TBC1D31: variants seen among roughly 807,000 people sequenced by gnomAD.
TBC1D31 encodes TBC1 domain family member 31.
Under a neutral mutation model 132.9 loss-of-function variants are expected in TBC1D31, and 99 were observed. The ratio of observed to expected loss-of-function variants is 0.74; its 90% CI spans 0.63 to 0.88. The LOEUF is 0.88. Among genes scored for constraint, TBC1D31 ranks in the 40% least tolerant of loss-of-function variants. The pLI is 0.00. For synonymous variants in TBC1D31, 385 were observed against 419.4 expected, an observed-to-expected ratio of 0.92 and a Z score of 1.00; for missense variants, 1,134 against 1,256.6, an observed-to-expected ratio of 0.90 and a Z score of 1.48.
At chr8:123,135,861 T>C (rs979894794) in intron 17 of TBC1D31, among the ~76,000 whole-genome samples, 1 of 152,208 alleles carries the variant, frequency 6.6e-6, no homozygotes, top group African/African-American at 2.4e-5. Context: ...GGGTGGAGGA[T>C]AGTGGCAATC....
chr8:123,093,247 C>T (rs1053975038), intron 4 of TBC1D31, among the ~76,000 whole-genome samples: 1 of 152,118 alleles, frequency 6.6e-6, no homozygotes, highest in Non-Finnish European at 1.5e-5. Flanking sequence ...CCACACCTGA[C>T]CAATGTGCTT....
At chr8:123,095,370 T>C (rs1816747441) in intron 5 of TBC1D31, among the ~76,000 whole-genome samples, 1 of 152,344 alleles carries the variant, frequency 6.6e-6, no homozygotes, top group Non-Finnish European at 1.5e-5. Context: ...TTAATAACCT[T>C]CTATAGAAAG....
intron 6 of TBC1D31, among the ~76,000 whole-genome samples, chr8:123,098,128 G>A (rs1007583135): frequency 1.3e-5 from 2 of 151,962 alleles, no homozygotes; most frequent in Admixed American, 1.3e-4. Context: ...CTTACTTTTT[G>A]ATTAGGTAAT....
chr8:123,152,360 G>C (rs949929145), downstream of TBC1D31, among the ~76,000 whole-genome samples: 12 of 151,956 alleles, frequency 7.9e-5, 1 homozygote, highest in African/African-American at 2.7e-4. Flanking sequence ...GCCCACCCCC[G>C]CCTCTGCCAG....
Position 123,144,646 on chromosome 8 carries a change from G to A in TBC1D31, c.2836-71G>A, listed in dbSNP as rs971540659. The A allele has an allele frequency of 2.2e-6, 3 of 1,390,236 alleles. No homozygotes were observed. In the African/African-American group the frequency reaches 4.3e-5, roughly 20 times the overall value. 86.1% of individuals were successfully genotyped at this position (1,390,236 alleles called of 1,614,324 possible). On this transcript the variant is annotated intron_variant, in intron 19 of 21. Transcript: ENST00000287380. The stretch of plus-strand genomic sequence containing the variant: ...AAAGTGGATAGAGAAGACAGAAGTG[G>A]CTCATTCCACTGTGAAATGTGTATT...
At chr8:123,128,780 G>T (rs1187575442) in intron 14 of TBC1D31, among the ~76,000 whole-genome samples, 1 of 152,004 alleles carries the variant, frequency 6.6e-6, no homozygotes. Flanking sequence ...GGAAGCTGAG[G>T]CAGGAGAATC....
intron 17 of TBC1D31, among the ~76,000 whole-genome samples, chr8:123,135,243 A>T (rs535999125): frequency 5.9e-5 from 9 of 152,338 alleles, no homozygotes; most frequent in African/African-American, 1.7e-4. Flanking sequence ...TAACTCAGCA[A>T]ATATCTGCTT....
intron 16 of TBC1D31, among the ~76,000 whole-genome samples, chr8:123,130,726 A>T (rs541398608): frequency 6.7e-6 from 1 of 148,460 alleles, no homozygotes; most frequent in Admixed American, 6.8e-5. Context: ...GGTTCAAGTG[A>T]TTCTCCTGCC....
chr8:123,125,496 C>T (rs902485801), intron 11 of TBC1D31, among the ~76,000 whole-genome samples: 2 of 152,124 alleles, frequency 1.3e-5, no homozygotes, highest in African/African-American at 4.8e-5. Flanking sequence ...TATTACCATG[C>T]TTATAGAACA....
At chr8:123,100,104 A>G (rs1308247710) in intron 6 of TBC1D31, among the ~76,000 whole-genome samples, 1 of 152,208 alleles carries the variant, frequency 6.6e-6, no homozygotes, top group East Asian at 1.9e-4. Context: ...CATTCAAATT[A>G]TATCATTGTC....
the TBC1D31 span, among the ~76,000 whole-genome samples, chr8:123,158,727 GCAC>G: frequency 1.3e-5 from 2 of 152,168 alleles, no homozygotes; most frequent in Non-Finnish European, 2.9e-5. Context: ...TTGACAGCAG[GCAC>G]CACAATTGCT....
chr8:123,096,769 C>A (rs555447436), intron 5 of TBC1D31, among the ~76,000 whole-genome samples: 385 of 152,316 alleles, frequency 2.5e-3, no homozygotes, highest in Non-Finnish European at 4.7e-3. Flanking sequence ...GAGTGAGCAA[C>A]GGCCTTGCAA....
chr8:123,080,234 A>G (rs1188854312), intron 2 of TBC1D31, among the ~76,000 whole-genome samples: 9 of 152,232 alleles, frequency 5.9e-5, no homozygotes, highest in Admixed American at 1.3e-4. Flanking sequence ...TCTGGCTTAT[A>G]TAGCATCTTC....
chr8:123,144,265 T>G (rs777241483), intron 19 of TBC1D31, among the ~76,000 whole-genome samples: 3 of 152,146 alleles, frequency 2.0e-5, no homozygotes, highest in Non-Finnish European at 4.4e-5. Flanking sequence ...TAAGGGTGAA[T>G]AGAAATCACT....
downstream of TBC1D31, among the ~76,000 whole-genome samples, chr8:123,155,330 AT>A (rs1822961279): frequency 6.6e-6 from 1 of 152,182 alleles, no homozygotes; most frequent in South Asian, 2.1e-4. This position sits in a 1 kb window ranked among gnomAD's most constrained non-coding sequence, Gnocchi z 4.1. Context: ...ATGGTGAGAG[AT>A]GCCACCACCA....
chr8:123,142,007 C>T (rs905301452), intron 18 of TBC1D31, among the ~76,000 whole-genome samples: 2 of 151,878 alleles, frequency 1.3e-5, no homozygotes, highest in East Asian at 1.9e-4. Context: ...ACTACAGGCG[C>T]GCGCTGCCAC....
At chr8:123,140,228 G>A (rs1821507657) in intron 17 of TBC1D31, among the ~76,000 whole-genome samples, 1 of 152,178 alleles carries the variant, frequency 6.6e-6, no homozygotes, top group Non-Finnish European at 1.5e-5. Context: ...CAGGTGTGGT[G>A]GCATGCACCT....
At chr8:123,092,923 T>C (rs1213258928) in intron 4 of TBC1D31, among the ~76,000 whole-genome samples, 1 of 150,514 alleles carries the variant, frequency 6.6e-6, no homozygotes, top group African/African-American at 2.4e-5. Context: ...ACAATTCTCC[T>C]GTCTCAGCCT....
intron 7 of TBC1D31, 22 bp downstream of exon 7, chr8:123,101,029 ACAT>A: frequency 6.5e-7 from 1 of 1,535,820 alleles, no homozygotes. Flanking sequence ...GAAGTAATCA[ACAT>A]CAGCTTTTTA....
Sources: gnomAD v4.1 joint callset for allele counts (sites outside exome capture counted in the v4.1 genomes callset) on GRCh38, gnomAD v4.1.1 for gene constraint, Gnocchi (gnomAD v3.1) non-coding constraint, MANE v1.5 for transcripts, NCBI Gene and HGNC (gene_info 2026-07-23, HGNC 2026-07-21) for gene names.